Variants in HIP1 observed in about 807,000 individuals in gnomAD.
HIP1 encodes huntingtin interacting protein 1.
In HIP1, 65 loss-of-function variants were observed where a neutral mutation model predicts 147.6. The ratio of observed to expected loss-of-function variants is 0.44; its 90% CI spans 0.36 to 0.54. The LOEUF is 0.54. Among genes scored for constraint, HIP1 ranks in the 20% least tolerant of loss-of-function variants. HIP1 has a pLI of 0.00. For missense variants in HIP1, 1,061 were observed against 1,299.6 expected (o/e 0.82, Z 2.82); for synonymous variants, 479 against 504.0 (o/e 0.95, Z 0.67).
rs1456071009 is a variant in HIP1 at position 75,592,042 on chromosome 7, AT to A, written c.384+13del. ...GGAGAAGCAGGTGGCTCCTGAGTAC[AT>A]CTCCAAACTCACCCACATCCTGCTC... On this transcript the variant is annotated intron_variant, in intron 4 of 30. Coordinates refer to ENST00000336926, the MANE Select transcript of HIP1 (RefSeq NM_005338.7). 6.2e-7 allele frequency: 1 copy of A among 1,610,948 alleles called. No individual in the cohort carries two copies. Among genetic ancestry groups the A allele is most frequent in the Non-Finnish European group, 8.5e-7 (1 of 1,177,204 alleles).
intron 1 of HIP1, among the ~76,000 whole-genome samples, chr7:75,694,505 C>CTT (rs11286111): frequency 5.1e-5 from 6 of 117,536 alleles, no homozygotes; most frequent in Non-Finnish European, 8.6e-5. Flanking sequence ...TTCTTTCTTT[C>CTT]TTTTTTTTTT....
intron 1 of HIP1, among the ~76,000 whole-genome samples, chr7:75,676,810 T>A (rs1799910261): frequency 6.7e-6 from 1 of 148,798 alleles, no homozygotes; most frequent in Non-Finnish European, 1.5e-5. Context: ...CATGGACATC[T>A]CATTCCTTAG....
At chr7:75,600,299 C>T (rs1434365732) in intron 1 of HIP1, among the ~76,000 whole-genome samples, 2 of 151,860 alleles carry the variant, frequency 1.3e-5, no homozygotes, top group Non-Finnish European at 2.9e-5. Context: ...TTAGTACAGA[C>T]GGGGTTTCGC....
intron 1 of HIP1, among the ~76,000 whole-genome samples, chr7:75,629,546 CTT>C (rs58993055): frequency 0.19 from 27,764 of 145,538 alleles, 3,412 homozygotes; most frequent in African/African-American, 0.36. Flanking sequence ...CCCCGCTTTT[CTT>C]TTTTTTTTTT....
chr7:75,662,528 C>G (rs782817963), intron 1 of HIP1, among the ~76,000 whole-genome samples: 42 of 151,984 alleles, frequency 2.8e-4, no homozygotes, highest in Middle Eastern at 3.2e-3. Flanking sequence ...ATTTTTGAGA[C>G]AGCGTCTCGC....
intron 27 of HIP1, 28 bp from the exon 28 acceptor site, chr7:75,543,002 A>G (rs781850876): frequency 6.3e-7 from 1 of 1,599,326 alleles, no homozygotes; most frequent in South Asian, 1.1e-5. Flanking sequence ...ATTTAGGTTC[A>G]TACAACACCT....
chr7:75,557,900 C>T (rs1478519875), intron 15 of HIP1, 130 bp from the exon 16 acceptor site: 24 of 718,502 alleles, frequency 3.3e-5, no homozygotes, highest in Non-Finnish European at 2.9e-5. Context: ...TACCCACAGC[C>T]GGAACAGAGC....
intron 1 of HIP1, among the ~76,000 whole-genome samples, chr7:75,614,545 G>A (rs1393950700): frequency 6.6e-5 from 10 of 152,090 alleles, no homozygotes; most frequent in Non-Finnish European, 1.3e-4. Flanking sequence ...CTGACTGGTG[G>A]CCACTGGGGC....
At chr7:75,587,087 C>T (rs1554499779) in intron 4 of HIP1, among the ~76,000 whole-genome samples, 4 of 152,014 alleles carry the variant, frequency 2.6e-5, no homozygotes, top group East Asian at 3.9e-4. Context: ...ATTACAGGCA[C>T]GCACCACCAC....
chr7:75,706,014 C>A (rs1289699632), intron 1 of HIP1, among the ~76,000 whole-genome samples: 1 of 152,238 alleles, frequency 6.6e-6, no homozygotes, highest in African/African-American at 2.4e-5. Flanking sequence ...CTGCCTCAGC[C>A]TCCCAAATAG....
intron 14 of HIP1, among the ~76,000 whole-genome samples, chr7:75,558,612 G>A (rs782221134): frequency 5.3e-5 from 8 of 152,224 alleles, no homozygotes; most frequent in African/African-American, 1.2e-4. Flanking sequence ...CACTGTGCCC[G>A]GCCAAAGATC....
chr7:75,620,791 C>T (rs1054249294), intron 1 of HIP1, among the ~76,000 whole-genome samples: 1 of 151,902 alleles, frequency 6.6e-6, no homozygotes, highest in Admixed American at 6.6e-5. Context: ...GCAGGGGAGA[C>T]AAGCAGTAAA....
intron 1 of HIP1, among the ~76,000 whole-genome samples, chr7:75,635,559 CAGAG>C (rs1798394444): frequency 8.2e-6 from 1 of 121,798 alleles, no homozygotes; most frequent in Non-Finnish European, 1.6e-5. Context: ...GCCTGGGTGA[CAGAG>C]AGAGACTCCA....
chr7:75,570,318 G>A (rs1341218758), intron 8 of HIP1, among the ~76,000 whole-genome samples: 1 of 141,822 alleles, frequency 7.1e-6, no homozygotes, highest in Admixed American at 7.3e-5. Flanking sequence ...TCGAGACGAT[G>A]TCTCGCTCTG....
At chr7:75,715,774 C>CAAAAAAAAAAA (rs34769081) in intron 1 of HIP1, among the ~76,000 whole-genome samples, 675 of 36,712 alleles carry the variant, frequency 0.018, 76 homozygotes, top group Middle Eastern at 0.056. Flanking sequence ...GATCCTGTCT[C>CAAAAAAAAAAA]AAAAAAAAAA....
Position 75,559,883 on chromosome 7 carries a change from G to T in HIP1, c.1224C>A (p.His408Gln), listed in dbSNP as rs782426573. Residue 408 changes from histidine (H) to glutamine (Q), a missense_variant, in exon 14 of 31, where the codon CAC (histidine) becomes CAA (glutamine). Coordinates refer to ENST00000336926, the MANE Select transcript of HIP1 (RefSeq NM_005338.7). Reference sequence around the variant, plus strand: ...CCAGATCTGCTTCCAGCTCGCTGACGTGGCCCTTCAGCTGCAGCACAACCC... The same window carrying T: ...CCAGATCTGCTTCCAGCTCGCTGACTTGGCCCTTCAGCTGCAGCACAACCC... ...SQRVVLQLKG[H>Q]VSELEADLAE... is the part of the protein sequence containing the mutation. 2 of 1,609,846 alleles carry T rather than the reference G, an allele frequency of 1.2e-6. No homozygotes were observed. Among genetic ancestry groups the T allele is most frequent in the Non-Finnish European group, 1.7e-6 (2 of 1,179,062 alleles).
At position 75,673,278 on chromosome 7, in the gene HIP1, C is replaced by T. The variant is rs372633495; in HGVS notation, c.120+65523G>A. Among the ~76,000 whole-genome samples the T allele has an allele frequency of 2.8e-4, 43 of 152,248 alleles. No homozygotes were observed. The East Asian group carries it at 5.2e-3, about 18-fold the overall frequency. On this transcript the variant is annotated intron_variant, in intron 1 of 30. Coordinates refer to ENST00000336926, the MANE Select transcript of HIP1 (RefSeq NM_005338.7). Reference sequence around the variant, plus strand: ...CCTCAAGTGATCTGCCTGCCTCGGCCTCCCAAAGTGCTGGGATTACAGGGG... The same window carrying T: ...CCTCAAGTGATCTGCCTGCCTCGGCTTCCCAAAGTGCTGGGATTACAGGGG...
chr7:75,643,991 C>T (rs936263756), intron 1 of HIP1, among the ~76,000 whole-genome samples: 1 of 151,718 alleles, frequency 6.6e-6, no homozygotes, highest in Non-Finnish European at 1.5e-5. Context: ...CAAAGTAAGA[C>T]TCTGTCTCAA....
intron 1 of HIP1, among the ~76,000 whole-genome samples, chr7:75,664,955 G>A (rs1799509811): frequency 6.6e-6 from 1 of 152,108 alleles, no homozygotes; most frequent in Non-Finnish European, 1.5e-5. Flanking sequence ...GGAAAGAAGA[G>A]ACTAATTTGG....
Sources: gnomAD v4.1 joint callset for allele counts (sites outside exome capture counted in the v4.1 genomes callset) on GRCh38, gnomAD v4.1.1 for gene constraint, MANE v1.5 for transcripts, NCBI Gene and HGNC (gene_info 2026-07-23, HGNC 2026-07-21) for gene names.